The following BICRAL variants were observed in gnomAD, a reference collection of about 807,000 sequenced individuals.
BICRAL encodes the protein BRD4-interacting chromatin-remodeling complex-associated protein-like.
A neutral mutation model predicts 91.8 loss-of-function variants in BICRAL; 8 were observed. That is an observed-to-expected ratio of 0.09 (90% confidence interval 0.05 to 0.16). The LOEUF is 0.16. Among genes scored for constraint, BICRAL ranks in the 10% least tolerant of loss-of-function variants. BICRAL has a pLI of 1.00. For synonymous variants in BICRAL, 445 were observed against 491.1 expected (o/e 0.91, Z 1.24); for missense variants, 1,038 against 1,310.9 (o/e 0.79, Z 3.21).
chr6:42,750,140 G>A (rs920064908), intron 1 of BICRAL, among the ~76,000 whole-genome samples: 3 of 151,972 alleles, frequency 2.0e-5, no homozygotes, highest in African/African-American at 4.8e-5. Flanking sequence ...TGGGATTACA[G>A]GTGTGAGCCA....
intron 1 of BICRAL, among the ~76,000 whole-genome samples, chr6:42,757,638 C>T (rs753683570): frequency 8.5e-5 from 13 of 152,180 alleles, no homozygotes; most frequent in Admixed American, 5.2e-4. Flanking sequence ...CTGTCTGCCT[C>T]GGCCTCCCAA....
chr6:42,799,516 G>A (rs1055582996), intron 1 of BICRAL, among the ~76,000 whole-genome samples: 1 of 151,422 alleles, frequency 6.6e-6, no homozygotes, highest in African/African-American at 2.4e-5. Context: ...GGATGGTCTT[G>A]ATCTCTTGAC....
chr6:42,827,561 T>C (rs2113953989), intron 5 of BICRAL, among the ~76,000 whole-genome samples: 1 of 152,362 alleles, frequency 6.6e-6, no homozygotes, highest in Non-Finnish European at 1.5e-5. Context: ...TATTTTTGCA[T>C]CATGTCGGTG....
intron 5 of BICRAL, among the ~76,000 whole-genome samples, chr6:42,823,385 A>G (rs189584707): frequency 9.9e-5 from 15 of 152,226 alleles, no homozygotes; most frequent in African/African-American, 3.4e-4. Flanking sequence ...GCCTCCCAAA[A>G]TGTTGGAATT....
intron 6 of BICRAL, among the ~76,000 whole-genome samples, chr6:42,850,531 A>G (rs1226455375): frequency 1.3e-5 from 2 of 151,826 alleles, no homozygotes; most frequent in African/African-American, 4.8e-5. Context: ...CAAAAAAAAA[A>G]ACAAGAAAAA....
At chr6:42,840,454 G>A (rs572385304) in intron 6 of BICRAL, among the ~76,000 whole-genome samples, 1 of 151,792 alleles carries the variant, frequency 6.6e-6, no homozygotes, top group Non-Finnish European at 1.5e-5. Context: ...TGTTAGCCAG[G>A]ATGGTCTCGA....
chr6:42,838,680 G>A (rs1440417891), intron 6 of BICRAL, among the ~76,000 whole-genome samples: 3 of 151,854 alleles, frequency 2.0e-5, no homozygotes, highest in Non-Finnish European at 4.4e-5. Flanking sequence ...AGCTTTTTTG[G>A]CCAGGCACAG....
Position 42,868,240 on chromosome 6 carries a change from G to A in BICRAL, c.*2794G>A, listed in dbSNP as rs934135953. ...TAGTAGATTCTGTTAGATTAGGGAG[G>A]CCTTACAGACTGACTTTACTTAAAG... On this transcript the variant is annotated 3_prime_UTR_variant, in exon 13 of 13. Transcript: ENST00000314073. The A allele has an allele frequency of 6.6e-6, 1 of 152,414 alleles. No individual in the cohort carries two copies. Among genetic ancestry groups the A allele is most frequent in the Non-Finnish European group, 1.5e-5 (1 of 67,992 alleles). 9.4% of individuals were successfully genotyped at this position (152,414 alleles called of 1,614,324 possible).
intron 1 of BICRAL, among the ~76,000 whole-genome samples, chr6:42,787,649 G>T (rs1763138971): frequency 6.6e-6 from 1 of 152,124 alleles, no homozygotes; most frequent in South Asian, 2.1e-4. Flanking sequence ...AAGAGGGAAT[G>T]GTCACCTCTG....
chr6:42,815,800 C>T (rs1421849357), intron 2 of BICRAL, among the ~76,000 whole-genome samples: 2 of 150,060 alleles, frequency 1.3e-5, no homozygotes, highest in African/African-American at 4.9e-5. Flanking sequence ...CTAGCCTGAC[C>T]AACGTGGAGA....
At chr6:42,837,474 G>A (rs966619766) in intron 6 of BICRAL, among the ~76,000 whole-genome samples, 9 of 151,312 alleles carry the variant, frequency 5.9e-5, no homozygotes, top group African/African-American at 1.5e-4. Context: ...AAATGGGGCC[G>A]GGCATGTTGA....
At chr6:42,803,063 C>G (rs569734180) in intron 1 of BICRAL, among the ~76,000 whole-genome samples, 2 of 152,248 alleles carry the variant, frequency 1.3e-5, no homozygotes, top group East Asian at 3.9e-4. Flanking sequence ...GACCTTAAAC[C>G]CATACCTGGC....
In BICRAL at chr6:42,865,471, G is replaced by GCCCCGAGACCCCACCCCGAGACCCCA; in HGVS notation, c.*31_*56dup. 2.6e-6 allele frequency: 3 copies of GCCCCGAGACCCCACCCCGAGACCCCA among 1,163,280 alleles called. No individual in the cohort carries two copies. Among genetic ancestry groups the GCCCCGAGACCCCACCCCGAGACCCCA allele is most frequent in the African/African-American group, 4.4e-5 (2 of 45,578 alleles). 72.1% of individuals were successfully genotyped at this position (1,163,280 alleles called of 1,614,324 possible). On this transcript the variant is annotated 3_prime_UTR_variant, in exon 13 of 13. Coordinates refer to ENST00000314073, the MANE Select transcript of BICRAL (RefSeq NM_001393499.1). Reference sequence around the variant, plus strand: ...ATAGCAGCAGTCCTCCCCCTACCCCGCCCCGAGACCCCACCCCGAGACCCC... The same window carrying GCCCCGAGACCCCACCCCGAGACCCCA: ...ATAGCAGCAGTCCTCCCCCTACCCCGCCCCGAGACCCCACCCCGAGACCCCACCCCGAGACCCCACCCCGAGACCCC...
At chr6:42,752,919 T>A (rs1762402596) in intron 1 of BICRAL, among the ~76,000 whole-genome samples, 1 of 145,424 alleles carries the variant, frequency 6.9e-6, no homozygotes, top group Non-Finnish European at 1.5e-5. Context: ...TGACTTTTTT[T>A]TTTTTTTTTT....
At chr6:42,814,218 G>T (rs1414346994) in intron 2 of BICRAL, among the ~76,000 whole-genome samples, 2 of 136,946 alleles carry the variant, frequency 1.5e-5, no homozygotes, top group African/African-American at 5.5e-5. Context: ...AAGGTATCTC[G>T]TATTGGCTCT....
chr6:42,770,408 TATTA>T (rs1213488225), intron 1 of BICRAL, among the ~76,000 whole-genome samples: 105 of 133,242 alleles, frequency 7.9e-4, no homozygotes, highest in African/African-American at 2.9e-3. Flanking sequence ...TTATTATTAT[TATTA>T]TTTTTTTTTT....
At chr6:42,823,061 T>A in intron 5 of BICRAL, 58 bp downstream of exon 5, 1 of 981,692 alleles carries the variant, frequency 1.0e-6, no homozygotes, top group South Asian at 1.3e-5. Flanking sequence ...TGATGCCTTG[T>A]GAACTGAGCC....
At chr6:42,763,236 G>A (rs1006292603) in intron 1 of BICRAL, among the ~76,000 whole-genome samples, 10 of 152,136 alleles carry the variant, frequency 6.6e-5, no homozygotes, top group Admixed American at 6.5e-4. Flanking sequence ...AGCAAGAACA[G>A]GTTTAAGATT....
chr6:42,754,023 C>T (rs1019615019), intron 1 of BICRAL, among the ~76,000 whole-genome samples: 5 of 143,820 alleles, frequency 3.5e-5, no homozygotes, highest in Non-Finnish European at 7.7e-5. Context: ...TGAGCCACTA[C>T]ACTTCATGGG....
Sources: gnomAD v4.1 joint callset for allele counts (sites outside exome capture counted in the v4.1 genomes callset) on GRCh38, gnomAD v4.1.1 for gene constraint, MANE v1.5 for transcripts, NCBI Gene and HGNC (gene_info 2026-07-23, HGNC 2026-07-21) for gene names.